The following RUNX1 variants were observed in gnomAD, a reference collection of about 807,000 sequenced individuals.
The protein encoded by RUNX1 is RUNX family transcription factor 1.
RUNX1 carries 19 observed loss-of-function variants against 42.8 expected under a neutral mutation model. That is an observed-to-expected ratio of 0.44 (90% confidence interval 0.31 to 0.65). The LOEUF (loss-of-function observed/expected upper bound fraction) is 0.65, where lower values mean the gene tolerates loss of function less well. RUNX1 is among the 30% of genes least tolerant of loss of function. The pLI, the probability that RUNX1 is intolerant of heterozygous loss-of-function variation, is 0.07. For missense variants in RUNX1, 528 were observed against 672.0 expected (o/e 0.79, Z 2.37); for synonymous variants, 271 against 289.4 (o/e 0.94, Z 0.64).
chr21:34,978,933 CAG>C (rs2058824054), intron 2 of RUNX1, among the ~76,000 whole-genome samples: 1 of 128,364 alleles, frequency 7.8e-6, no homozygotes, highest in South Asian at 2.8e-4. Context: ...AACACACACA[CAG>C]ATACACACAC....
chr21:34,937,713 C>A (rs534654191), intron 2 of RUNX1, among the ~76,000 whole-genome samples: 23 of 149,386 alleles, frequency 1.5e-4, no homozygotes, highest in East Asian at 5.9e-4. Context: ...AAAAAAAAAA[C>A]CAGAAAGAAA....
At chr21:35,017,023 G>C (rs542843645) in intron 2 of RUNX1, among the ~76,000 whole-genome samples, 1 of 151,830 alleles carries the variant, frequency 6.6e-6, no homozygotes, top group African/African-American at 2.4e-5. Flanking sequence ...ATGGAAAAGA[G>C]GCAAAAATGG....
chr21:34,995,582 A>C (rs867947436), intron 2 of RUNX1, among the ~76,000 whole-genome samples: 24 of 151,948 alleles, frequency 1.6e-4, no homozygotes, highest in African/African-American at 5.8e-4. Flanking sequence ...CTGTGACTAC[A>C]GGTGTGCGCT....
At chr21:34,856,667 G>C (rs2057499100) in intron 6 of RUNX1, among the ~76,000 whole-genome samples, 1 of 152,146 alleles carries the variant, frequency 6.6e-6, no homozygotes, top group Non-Finnish European at 1.5e-5. Flanking sequence ...GATCCTAAAG[G>C]CTCTTCTCAG....
At chr21:34,886,792 C>A in intron 4 of RUNX1, 51 bp downstream of exon 4, 1 of 1,610,686 alleles carries the variant, frequency 6.2e-7, no homozygotes. Flanking sequence ...GGATCTCCCC[C>A]GGCCTCGCCG....
rs1412052921 is a variant in RUNX1 at position 34,791,180 on chromosome 21, A to G, written c.*955T>C. The G allele has an allele frequency of 4.3e-6, 1 of 233,520 alleles. No individual in the cohort carries two copies. Among genetic ancestry groups the G allele is most frequent in the Admixed American group, 5.6e-5 (1 of 17,792 alleles). 14.5% of individuals were successfully genotyped at this position (233,520 alleles called of 1,614,324 possible). A position where few individuals can be genotyped will look rare whatever the true frequency, so the allele number is the denominator to read the frequency against. ...ACATGAAAGGGAGTTTAATGTAAAC[A>G]ATACTTCTGGATAACCAAGCGATCA... On this transcript the variant is annotated 3_prime_UTR_variant, in exon 9 of 9. Transcript: ENST00000675419.
At position 34,859,559 on chromosome 21, in the gene RUNX1, G is replaced by C. The variant is rs2146236557; in HGVS notation, c.528C>G (p.Thr176=). 1 of 1,614,010 alleles carries C rather than the reference G, an allele frequency of 6.2e-7. No individual in the cohort carries two copies. Among genetic ancestry groups the C allele is most frequent in the Non-Finnish European group, 8.5e-7 (1 of 1,179,888 alleles). The part of the protein sequence containing the change: ...RSGRGKSFTL[T]ITVFTNPPQV... Reference sequence around the variant, plus strand: ...GCGGTGGGTTTGTGAAGACAGTGATGGTCAGAGTGAAGCTTTTCCCTGTGG... The same window carrying C: ...GCGGTGGGTTTGTGAAGACAGTGATCGTCAGAGTGAAGCTTTTCCCTGTGG... The change falls in exon 6 of 9, where the codon ACC becomes ACG. Residue 176 remains threonine, a synonymous_variant. Coordinates refer to ENST00000675419, the MANE Select transcript of RUNX1 (RefSeq NM_001754.5).
At chr21:34,855,635 T>G (rs890298627) in intron 6 of RUNX1, among the ~76,000 whole-genome samples, 6 of 151,784 alleles carry the variant, frequency 4.0e-5, no homozygotes, top group African/African-American at 1.2e-4. Context: ...AACCTGGGAG[T>G]GGGGCAGAGG....
At chr21:35,021,926 C>G (rs758667096) in intron 2 of RUNX1, among the ~76,000 whole-genome samples, 3 of 152,244 alleles carry the variant, frequency 2.0e-5, no homozygotes, top group Admixed American at 2.0e-4. Context: ...AAGCTCAGAG[C>G]TCTTCTCTCA....
chr21:34,846,606 A>AG (rs5843688), intron 6 of RUNX1, among the ~76,000 whole-genome samples: 152,306 of 152,306 alleles, frequency 1, 76,153 homozygotes, highest in Non-Finnish European at 1. Flanking sequence ...TGACTGAGCT[A>AG]GCAGGGCCAG....
rs1004564780 is a variant in RUNX1 at position 34,792,001 on chromosome 21, G to A, written c.*134C>T. Reference sequence around the variant, plus strand: ...GACCTACAGCGAGATCCTGGCCGTCGGGCGCCCTCGGCCCCAGGACGGTGG... The same window carrying A: ...GACCTACAGCGAGATCCTGGCCGTCAGGCGCCCTCGGCCCCAGGACGGTGG... On this transcript the variant is annotated 3_prime_UTR_variant, in exon 9 of 9. Transcript: ENST00000675419. This position sits in a 1 kb window ranked among gnomAD's most constrained non-coding sequence, Gnocchi z 6.9. 5 of 511,834 alleles carry A rather than the reference G, an allele frequency of 9.8e-6. No individual in the cohort carries two copies. In the Admixed American group the frequency reaches 1.8e-4, roughly 19 times the overall value. The allele number at this position is 511,834 out of a possible 1,614,324, so 31.7% of individuals were successfully genotyped here.
chr21:34,998,377 G>A (rs1295248938), intron 2 of RUNX1, among the ~76,000 whole-genome samples: 2 of 151,608 alleles, frequency 1.3e-5, no homozygotes, highest in African/African-American at 2.4e-5. Context: ...AGATAACAGC[G>A]ACAGTTCCTG....
chr21:34,910,214 A>G (rs910695897), intron 2 of RUNX1, among the ~76,000 whole-genome samples: 1 of 152,208 alleles, frequency 6.6e-6, no homozygotes, highest in Non-Finnish European at 1.5e-5. Context: ...GGGAAACCAC[A>G]TCCATGTGGC....
At chr21:34,876,461 A>G (rs539034121) in intron 5 of RUNX1, among the ~76,000 whole-genome samples, 2 of 152,200 alleles carry the variant, frequency 1.3e-5, no homozygotes, top group Non-Finnish European at 2.9e-5. Context: ...CAAATTCACA[A>G]ATTTTTGGCC....
intron 2 of RUNX1, among the ~76,000 whole-genome samples, chr21:34,955,232 A>AT (rs372415334): frequency 7.9e-4 from 115 of 146,102 alleles, no homozygotes; most frequent in Middle Eastern, 3.5e-3. Context: ...GAGGAAGTCT[A>AT]TTTTTTTTTT....
chr21:34,928,969 G>A (rs554340291), intron 2 of RUNX1, among the ~76,000 whole-genome samples: 2 of 147,860 alleles, frequency 1.4e-5, no homozygotes, highest in Admixed American at 6.8e-5. Context: ...TTTGGGGGGG[G>A]GGGTAGATTT....
At chr21:34,909,504 C>G (rs2058253829) in intron 2 of RUNX1, among the ~76,000 whole-genome samples, 1 of 146,452 alleles carries the variant, frequency 6.8e-6, no homozygotes. Context: ...CTTCTCTGGG[C>G]ACAGAGGCAA....
At chr21:34,870,991 G>C (rs1229138261) in intron 5 of RUNX1, among the ~76,000 whole-genome samples, 1 of 152,030 alleles carries the variant, frequency 6.6e-6, no homozygotes, top group African/African-American at 2.4e-5. Flanking sequence ...AAACAGTCCT[G>C]AACAGTCATT....
At chr21:35,004,293 A>T (rs886773253) in intron 2 of RUNX1, among the ~76,000 whole-genome samples, 2 of 152,256 alleles carry the variant, frequency 1.3e-5, no homozygotes, top group African/African-American at 4.8e-5. Context: ...TTGTGCCAGA[A>T]CTTTCTTGTA....
Sources: allele counts gnomAD v4.1 joint callset (sites outside exome capture counted in the v4.1 genomes callset), GRCh38; gene constraint gnomAD v4.1.1; non-coding constraint Gnocchi (gnomAD v3.1); transcripts MANE v1.5; gene names NCBI Gene and HGNC (gene_info 2026-07-23, HGNC 2026-07-21).